Variants in APLF observed in about 807,000 individuals in gnomAD.
APLF encodes the protein aprataxin and PNK-like factor.
Under a neutral mutation model 55.6 loss-of-function variants are expected in APLF, and 61 were observed. The observed-to-expected ratio is 1.10, with a 90% CI of 0.89 to 1.36. The LOEUF is 1.36. Ranked by LOEUF, APLF falls within the 40% of genes most tolerant of loss-of-function variation. The probability of loss-of-function intolerance (pLI) is 0.00; values close to 1 mark genes in which losing one functional copy is unlikely to be tolerated. For synonymous variants in APLF, 207 were observed against 214.8 expected (o/e 0.96, Z 0.32); for missense variants, 611 against 602.5 (o/e 1.01, Z -0.15).
intron 6 of APLF, chr2:68,528,622 C>T: frequency 6.5e-7 from 1 of 1,533,736 alleles, no homozygotes; most frequent in Non-Finnish European, 8.7e-7. Flanking sequence ...GGTCTTTACC[C>T]AGCACCTTCA....
intron 6 of APLF, among the ~76,000 whole-genome samples, chr2:68,533,422 G>A (rs997213400): frequency 9.2e-5 from 14 of 152,154 alleles, no homozygotes; most frequent in Non-Finnish European, 1.8e-4. Context: ...GTATGGTAAA[G>A]TGTTTTAACT....
At chr2:68,567,305 G>T (rs769604270) in intron 8 of APLF, 36 bp from the exon 9 acceptor site, 1 of 1,569,920 alleles carries the variant, frequency 6.4e-7, no homozygotes. Context: ...TTTAGTAATT[G>T]GAAGACTAGC....
chr2:68,474,987 G>A (rs1400388866), intron 1 of APLF, among the ~76,000 whole-genome samples: 1 of 152,176 alleles, frequency 6.6e-6, no homozygotes, highest in African/African-American at 2.4e-5. Flanking sequence ...ATTTTTAAAA[G>A]CTCTGAAGAT....
chr2:68,577,556 A>G (rs577075610), intron 9 of APLF, among the ~76,000 whole-genome samples: 20 of 152,292 alleles, frequency 1.3e-4, no homozygotes, highest in African/African-American at 4.8e-4. Context: ...GGAAGATGGG[A>G]TGTTGTGAAT....
intron 9 of APLF, among the ~76,000 whole-genome samples, chr2:68,574,835 G>C (rs1293949947): frequency 2.0e-5 from 3 of 152,152 alleles, no homozygotes; most frequent in African/African-American, 7.2e-5. Context: ...TGACTGGCAG[G>C]CTAGTGATCA....
Position 68,521,505 on chromosome 2 carries a change from A to AT in APLF, c.623-4549dup, listed in dbSNP as rs1669896820. ...CATGAGTTTCTTAGGCCTGGGCTAA[A>AT]TTTTTTTAAATGTCCATTAGTGATG... On this transcript the variant is annotated intron_variant, in intron 5 of 9. Coordinates refer to ENST00000303795, the MANE Select transcript of APLF (RefSeq NM_173545.3). Among the ~76,000 whole-genome samples, 3 of 151,746 alleles carry AT rather than the reference A, an allele frequency of 2.0e-5. No individual in the cohort carries two copies. The South Asian group carries it at 6.2e-4, about 31-fold the overall frequency.
intron 1 of APLF, among the ~76,000 whole-genome samples, chr2:68,480,965 T>C (rs995075300): frequency 1.3e-5 from 2 of 152,242 alleles, no homozygotes; most frequent in Non-Finnish European, 1.5e-5. Context: ...TAAATTTCAC[T>C]TGATCATGGT....
chr2:68,518,447 T>C (rs1391181173), intron 5 of APLF, among the ~76,000 whole-genome samples: 1 of 111,766 alleles, frequency 8.9e-6, no homozygotes, highest in South Asian at 2.5e-4. Flanking sequence ...TATATAATAA[T>C]ATATTATATA....
At chr2:68,558,430 C>A (rs947007763) in intron 8 of APLF, among the ~76,000 whole-genome samples, 1 of 151,998 alleles carries the variant, frequency 6.6e-6, no homozygotes, top group African/African-American at 2.4e-5. Context: ...AATTTTGAAA[C>A]CTAGATTTTT....
At chr2:68,482,203 G>T (rs184920089) in intron 1 of APLF, among the ~76,000 whole-genome samples, 2 of 151,768 alleles carry the variant, frequency 1.3e-5, no homozygotes, top group Non-Finnish European at 2.9e-5. Flanking sequence ...TCATCTGGTG[G>T]AATAGTTGCC....
At chr2:68,517,911 T>G (rs1318854085) in intron 5 of APLF, among the ~76,000 whole-genome samples, 1 of 144,192 alleles carries the variant, frequency 6.9e-6, no homozygotes, top group African/African-American at 2.5e-5. Context: ...ATAGCAGTAT[T>G]ATATCACTAA....
chr2:68,472,828 T>G (rs543439756), intron 1 of APLF, among the ~76,000 whole-genome samples: 1 of 152,314 alleles, frequency 6.6e-6, no homozygotes, highest in African/African-American at 2.4e-5. Flanking sequence ...TTACAAACAT[T>G]GTTTTTTAAT....
intron 6 of APLF, among the ~76,000 whole-genome samples, chr2:68,526,807 C>T (rs766146120): frequency 6.6e-6 from 1 of 152,320 alleles, no homozygotes; most frequent in Non-Finnish European, 1.5e-5. Flanking sequence ...CCTGCCTCAG[C>T]CTCCCGAGTA....
At chr2:68,543,582 T>G (rs1030784750) in intron 7 of APLF, among the ~76,000 whole-genome samples, 1 of 152,184 alleles carries the variant, frequency 6.6e-6, no homozygotes, top group Non-Finnish European at 1.5e-5. Flanking sequence ...CTGTGACCAT[T>G]CTTAACTATA....
At chr2:68,570,604 C>T (rs1458629127) in intron 9 of APLF, among the ~76,000 whole-genome samples, 2 of 152,104 alleles carry the variant, frequency 1.3e-5, no homozygotes, top group African/African-American at 4.8e-5. Flanking sequence ...TCATCCATGT[C>T]CCTGCAAAGG....
chr2:68,568,388 T>A, intron 9 of APLF: 3 of 853,308 alleles, frequency 3.5e-6, no homozygotes, highest in Non-Finnish European at 4.2e-6. Context: ...TGTAAGGGAA[T>A]TCCATTTGAC....
rs1671715408 is a variant in APLF at position 68,579,498 on chromosome 2, T to C, written c.*1476T>C. 1.4e-6 allele frequency: 1 copy of C among 727,858 alleles called. No individual in the cohort carries two copies. Among genetic ancestry groups the C allele is most frequent in the Non-Finnish European group, 1.7e-6 (1 of 595,190 alleles). The allele number at this position is 727,858 out of a possible 1,614,324, so 45.1% of individuals were successfully genotyped here. A position where few individuals can be genotyped will look rare whatever the true frequency, so the allele number is the denominator to read the frequency against. ...ACATAAAAACTGTACACAATGTCAATAGAAGCATTATTCTTAACAGCCAAA... is the reference window on the plus strand; with the variant it reads ...ACATAAAAACTGTACACAATGTCAACAGAAGCATTATTCTTAACAGCCAAA... On this transcript the variant is annotated 3_prime_UTR_variant, in exon 10 of 10. Transcript: ENST00000303795.
chr2:68,571,955 G>T (rs1671482116), intron 9 of APLF, among the ~76,000 whole-genome samples: 1 of 152,114 alleles, frequency 6.6e-6, no homozygotes, highest in Non-Finnish European at 1.5e-5. Flanking sequence ...TATTCTAGGT[G>T]ATTGATACCA....
At chr2:68,481,798 A>G (rs1197161761) in intron 1 of APLF, among the ~76,000 whole-genome samples, 2 of 151,946 alleles carry the variant, frequency 1.3e-5, no homozygotes, top group Non-Finnish European at 2.9e-5. Context: ...TCATTCTAGT[A>G]TATACTTTTT....
Sources: allele counts gnomAD v4.1 joint callset (sites outside exome capture counted in the v4.1 genomes callset), GRCh38; gene constraint gnomAD v4.1.1; transcripts MANE v1.5; gene names NCBI Gene and HGNC (gene_info 2026-07-23, HGNC 2026-07-21).